EYA2: variants seen among roughly 807,000 people sequenced by gnomAD.
EYA2 encodes the protein EYA transcriptional coactivator and phosphatase 2, also known as protein phosphatase EYA2.
In EYA2, 31 loss-of-function variants were observed where a neutral mutation model predicts 69.2. The observed-to-expected ratio is 0.45, with a 90% CI of 0.34 to 0.60. The LOEUF is 0.60. Ranked by LOEUF, EYA2 falls within the 20% of genes least tolerant of loss-of-function variation. The probability of loss-of-function intolerance (pLI) is 0.02; values close to 1 mark genes in which losing one functional copy is unlikely to be tolerated. For missense variants in EYA2, 622 were observed against 701.2 expected (o/e 0.89, Z 1.28); for synonymous variants, 257 against 279.4 (o/e 0.92, Z 0.80).
chr20:47,030,731 T>A (rs1984361444), intron 5 of EYA2, among the ~76,000 whole-genome samples: 2 of 80,054 alleles, frequency 2.5e-5, no homozygotes, highest in African/African-American at 5.7e-5. Flanking sequence ...GCCTCTCCTC[T>A]TTGGGTTCAC....
In EYA2 at chr20:47,174,547, C is replaced by T. The variant is rs117518523; in HGVS notation, c.1198+1680C>T. Among the ~76,000 whole-genome samples, 60 of 152,322 alleles carry T rather than the reference C, an allele frequency of 3.9e-4. 1 individual carries two copies. In the East Asian group the frequency reaches 0.011, roughly 29 times the overall value. The stretch of plus-strand genomic sequence containing the variant: ...CCTGCGTCTTCTACTGTCCCTGGAG[C>T]TTTCCCATCCGTTCTTTGGGACAGA... On this transcript the variant is annotated intron_variant, in intron 12 of 15. Transcript: ENST00000327619.
chr20:47,146,426 C>T (rs2033700522), intron 10 of EYA2, among the ~76,000 whole-genome samples: 2 of 152,150 alleles, frequency 1.3e-5, no homozygotes, highest in Non-Finnish European at 2.9e-5. Context: ...CTGTCTGGCC[C>T]CTGAAGTCGA....
chr20:47,108,792 C>T (rs1441851226), intron 9 of EYA2, among the ~76,000 whole-genome samples: 3 of 151,884 alleles, frequency 2.0e-5, no homozygotes, highest in African/African-American at 7.3e-5. Flanking sequence ...TGGGCTCAAG[C>T]GATCCTCCCC....
chr20:47,016,173 C>T lies in EYA2; in HGVS notation c.299-8C>T, dbSNP rs367617095. 5.3e-5 allele frequency: 86 copies of T among 1,607,516 alleles called. 2 individuals are homozygous for T. The African/African-American group carries it at 8.0e-4, about 15-fold the overall frequency. On this transcript the variant is annotated splice_region_variant and splice_polypyrimidine_tract_variant and intron_variant, in intron 4 of 15. Coordinates refer to ENST00000327619, the MANE Select transcript of EYA2 (RefSeq NM_005244.5). ...TTGGTCCTTTTTTTTCCCCCTCTTC[C>T]TTCAAAGGCATCAAGACAGAAGACA... is the stretch of plus-strand genomic sequence containing the variant.
At chr20:46,992,252 C>CT (rs1981725063) in intron 2 of EYA2, among the ~76,000 whole-genome samples, 1 of 152,160 alleles carries the variant, frequency 6.6e-6, no homozygotes, top group Admixed American at 6.5e-5. Context: ...CTTCACAACT[C>CT]TAAAAAGTGG....
At chr20:46,944,979 G>A (rs1206749) in intron 1 of EYA2, among the ~76,000 whole-genome samples, 7,402 of 152,020 alleles carry the variant, frequency 0.049, 298 homozygotes, top group African/African-American at 0.11. Context: ...TGGTGCCTGC[G>A]TGTAGTCCTA....
chr20:47,086,758 A>C (rs2031905946), intron 7 of EYA2, among the ~76,000 whole-genome samples: 1 of 151,954 alleles, frequency 6.6e-6, no homozygotes, highest in Non-Finnish European at 1.5e-5. Context: ...CCTCATTCTC[A>C]AGAATGTGTA....
intron 1 of EYA2, among the ~76,000 whole-genome samples, chr20:46,959,646 G>A (rs1205770763): frequency 2.4e-5 from 2 of 82,284 alleles, no homozygotes; most frequent in South Asian, 3.6e-4. Flanking sequence ...ACACATGCAC[G>A]CACACGCACG....
At chr20:46,986,319 ATAAT>A (rs1199057412) in intron 1 of EYA2, among the ~76,000 whole-genome samples, 2 of 146,832 alleles carry the variant, frequency 1.4e-5, no homozygotes, top group African/African-American at 5.0e-5. Context: ...TATATTATAT[ATAAT>A]ATCTCTATAT....
At chr20:47,063,398 T>C (rs767699842) in intron 5 of EYA2, among the ~76,000 whole-genome samples, 42 of 106,114 alleles carry the variant, frequency 4.0e-4, no homozygotes, top group South Asian at 3.7e-3. Flanking sequence ...TGTGCGTGTG[T>C]GTGTGTGTGT....
At chr20:47,187,828 G>A (rs1016145710) in intron 15 of EYA2, among the ~76,000 whole-genome samples, 2 of 152,246 alleles carry the variant, frequency 1.3e-5, no homozygotes, top group East Asian at 3.8e-4. Context: ...GCTGGGCAGT[G>A]CTGGATAAGC....
chr20:46,955,177 C>T (rs551496179), intron 1 of EYA2, among the ~76,000 whole-genome samples: 35 of 149,846 alleles, frequency 2.3e-4, no homozygotes, highest in African/African-American at 8.1e-4. Context: ...ACTCTTGTTG[C>T]CCAGGCTGGA....
At chr20:47,137,241 G>T (rs890286639) in intron 9 of EYA2, among the ~76,000 whole-genome samples, 5 of 152,150 alleles carry the variant, frequency 3.3e-5, no homozygotes, top group African/African-American at 9.7e-5. Context: ...CAGAAAATGG[G>T]TTTCATGTAA....
chr20:46,897,299 C>T (rs1314674266), intron 1 of EYA2, among the ~76,000 whole-genome samples: 1 of 152,172 alleles, frequency 6.6e-6, no homozygotes, highest in African/African-American at 2.4e-5. Context: ...TAGCTAAGTA[C>T]ATTTTGAATT....
intron 1 of EYA2, among the ~76,000 whole-genome samples, chr20:46,989,298 A>G (rs1477538590): frequency 1.3e-5 from 2 of 152,034 alleles, no homozygotes; most frequent in Non-Finnish European, 2.9e-5. Context: ...ATGGAGTCTC[A>G]TTCTGTCGCG....
rs542635585 is a variant in EYA2 at position 47,055,056 on chromosome 20, A to G, written c.416-17129A>G. 3.1e-3 allele frequency among the ~76,000 whole-genome samples: 475 copies of G among 152,238 alleles called. 1 individual carries two copies. The highest frequency in any genetic ancestry group is 4.7e-3 in the Non-Finnish European group (317 of 68,006). On this transcript the variant is annotated intron_variant, in intron 5 of 15. Coordinates refer to ENST00000327619, the MANE Select transcript of EYA2 (RefSeq NM_005244.5). Reference sequence around the variant, plus strand: ...CTGCAGCAGCTCCAGCCTCTTTACCATATGTCATCTTGAGATTCCCTCTCA... The same window carrying G: ...CTGCAGCAGCTCCAGCCTCTTTACCGTATGTCATCTTGAGATTCCCTCTCA...
chr20:47,091,404 C>T (rs747299746), intron 8 of EYA2, among the ~76,000 whole-genome samples: 17 of 152,030 alleles, frequency 1.1e-4, no homozygotes, highest in Non-Finnish European at 2.4e-4. Flanking sequence ...AGCCTGAGAA[C>T]CTTGAAATAT....
chr20:47,175,292 CT>C (rs1302986868), intron 12 of EYA2, among the ~76,000 whole-genome samples: 1 of 152,234 alleles, frequency 6.6e-6, no homozygotes, highest in Non-Finnish European at 1.5e-5. Flanking sequence ...AGAAAGGCAT[CT>C]GCAAAATACA....
chr20:46,912,561 G>C (rs945552808), intron 1 of EYA2, among the ~76,000 whole-genome samples: 5 of 152,170 alleles, frequency 3.3e-5, no homozygotes, highest in African/African-American at 9.7e-5. Flanking sequence ...GTTTAGGGGG[G>C]AAAGAAGATA....
Sources: allele counts gnomAD v4.1 joint callset (sites outside exome capture counted in the v4.1 genomes callset), GRCh38; gene constraint gnomAD v4.1.1; transcripts MANE v1.5; gene names NCBI Gene and HGNC (gene_info 2026-07-23, HGNC 2026-07-21).